Variants in NOL4L observed in about 807,000 individuals in gnomAD.
NOL4L encodes the protein nucleolar protein 4 like, also known as nucleolar protein 4-like.
In NOL4L, 7 loss-of-function variants were observed where a neutral mutation model predicts 64.5. The observed-to-expected ratio is 0.11, with a 90% CI of 0.06 to 0.20. NOL4L has a LOEUF of 0.20. NOL4L is among the 10% of genes least tolerant of loss of function. NOL4L has a pLI of 1.00. For missense variants in NOL4L, 680 were observed against 967.1 expected (o/e 0.70, Z 3.94); for synonymous variants, 413 against 401.0 (o/e 1.03, Z -0.36).
rs1221191282 is a variant in NOL4L at position 32,463,877 on chromosome 20, C to T, written c.842-7482G>A. ...AGGCTAGGCTCGGAGAACGGGAAGG[C>T]CCACCATCCCTGGGACCACAGGCCA... On this transcript the variant is annotated intron_variant, in intron 5 of 10. Coordinates refer to ENST00000621426, the MANE Select transcript of NOL4L (RefSeq NM_001256798.2). The surrounding 1 kb of genome is among the most constrained non-coding windows in gnomAD (Gnocchi z 5.8). 2.0e-5 allele frequency among the ~76,000 whole-genome samples: 3 copies of T among 152,134 alleles called. No individual in the cohort carries two copies. The highest frequency in any genetic ancestry group is 6.5e-5 in the Admixed American group (1 of 15,280).
chr20:32,495,826 G>A (rs1026936549), intron 4 of NOL4L, among the ~76,000 whole-genome samples: 2 of 152,032 alleles, frequency 1.3e-5, no homozygotes, highest in Non-Finnish European at 2.9e-5. Flanking sequence ...GCGCGGTGTT[G>A]AGCACCTGTG....
chr20:32,489,570 A>T (rs2016370250), intron 4 of NOL4L, among the ~76,000 whole-genome samples: 1 of 152,172 alleles, frequency 6.6e-6, no homozygotes, highest in African/African-American at 2.4e-5. Flanking sequence ...TGGAAATGTC[A>T]TCTTATACTA....
In NOL4L at chr20:32,452,357, G is replaced by A; in HGVS notation, c.1701C>T (p.Ser567=). 6.2e-7 allele frequency: 1 copy of A among 1,612,614 alleles called. No homozygotes were observed. The highest frequency in any genetic ancestry group is 8.5e-7 in the Non-Finnish European group (1 of 1,179,214). The change falls in exon 10 of 11, where the codon TCC becomes TCT. Residue 567 remains serine, a synonymous_variant. Transcript: ENST00000621426. The part of the protein sequence containing the change: ...ITHSTYSLPA[S]SYSQDPVYAN... ...CGTACACAGGGTCCTGGGAGTAGGA[G>A]GAGGCTGGCAGTGAGTAGGTGGAGT... is the stretch of plus-strand genomic sequence containing the variant.
At position 32,474,571 on chromosome 20, in the gene NOL4L, C is replaced by T. The variant is rs748114064; in HGVS notation, c.841+30G>A. ...TGGGAGCAGGGGGCCGGGCACAGCC[C>T]CTCCTCAACTGCCACCAAGGGGCAC... On this transcript the variant is annotated intron_variant, in intron 5 of 10. Transcript: ENST00000621426. 5 of 1,596,024 alleles carry T rather than the reference C, an allele frequency of 3.1e-6. No individual in the cohort carries two copies. The South Asian group carries it at 3.3e-5, about 11-fold the overall frequency.
intron 4 of NOL4L, among the ~76,000 whole-genome samples, chr20:32,485,058 C>CAAAAAAAA (rs57444583): frequency 2.2e-3 from 39 of 17,800 alleles, no homozygotes; most frequent in East Asian, 8.0e-3. Flanking sequence ...GGGAAATTGC[C>CAAAAAAAA]AAAAAAAAAA....
rs147246978 is a variant in NOL4L at position 32,564,012 on chromosome 20, C to T, written c.321+20558G>A. Among the ~76,000 whole-genome samples the T allele has an allele frequency of 1.7e-3, 266 of 152,318 alleles. 1 individual carries two copies. Among genetic ancestry groups the T allele is most frequent in the African/African-American group, 5.2e-3 (215 of 41,560 alleles). The stretch of plus-strand genomic sequence containing the variant: ...CTTGCAGGAGCAGGAAAGGTAATTG[C>T]TAATTTGCACGAGAGGAGACAAAGG... On this transcript the variant is annotated intron_variant, in intron 1 of 10. Coordinates refer to ENST00000621426, the MANE Select transcript of NOL4L (RefSeq NM_001256798.2).
intron 1 of NOL4L, among the ~76,000 whole-genome samples, chr20:32,568,214 G>A (rs948264379): frequency 2.6e-5 from 4 of 151,958 alleles, no homozygotes; most frequent in Non-Finnish European, 4.4e-5. Flanking sequence ...TGTAGCATCC[G>A]TTCCCCACAA....
In NOL4L at chr20:32,485,058, CAAAAA is replaced by C. The variant is rs57444583; in HGVS notation, c.700-10321_700-10317del. Among the ~76,000 whole-genome samples, 142 of 17,814 alleles carry C rather than the reference CAAAAA, an allele frequency of 8.0e-3. 1 individual carries two copies. The highest frequency in any genetic ancestry group is 0.035 in the East Asian group (13 of 374). 11.7% of individuals were successfully genotyped at this position (17,814 alleles called of 152,430 possible). ...TCGTGGAATTCTGTGGGGAAATTGCCAAAAAAAAAAAAAAAAAAAAAAAAAAAAAC... is the reference window on the plus strand; with the variant it reads ...TCGTGGAATTCTGTGGGGAAATTGCCAAAAAAAAAAAAAAAAAAAAAAAAC... On this transcript the variant is annotated intron_variant, in intron 4 of 10. Coordinates refer to ENST00000621426, the MANE Select transcript of NOL4L (RefSeq NM_001256798.2).
At chr20:32,520,965 G>C (rs1269221353) in intron 2 of NOL4L, 43 bp from the exon 3 acceptor site, 2 of 1,393,892 alleles carry the variant, frequency 1.4e-6, no homozygotes, top group Non-Finnish European at 2.0e-6. Flanking sequence ...GATCTGTGGG[G>C]AGGCAACTTG....
chr20:32,533,144 A>C lies in NOL4L; in HGVS notation c.322-5231T>G, dbSNP rs971927834. On this transcript the variant is annotated intron_variant, in intron 1 of 10. Coordinates refer to ENST00000621426, the MANE Select transcript of NOL4L (RefSeq NM_001256798.2). ...TAAAACAAAAACAAAAACAAAAAAA[A>C]CCTACACATTTATGGAGCTACATTC... Among the ~76,000 whole-genome samples, 9 of 152,124 alleles carry C rather than the reference A, an allele frequency of 5.9e-5. No individual in the cohort carries two copies. The South Asian group carries it at 6.2e-4, about 11-fold the overall frequency.
chr20:32,582,058 C>G (rs1980508577), intron 1 of NOL4L: 1 of 152,206 alleles, frequency 6.6e-6, no homozygotes, highest in Non-Finnish European at 1.5e-5. Flanking sequence ...TAACTGGGCC[C>G]CAGGAAAGAA....
At position 32,453,349 on chromosome 20, in the gene NOL4L, C is replaced by A; in HGVS notation, c.1452G>T (p.Thr484=). ...FQERARKRIR[T]YLKSCRRMKK... The stretch of plus-strand genomic sequence containing the variant: ...TCATGCGACGGCAGGACTTGAGGTA[C>A]GTGCGGATGCGCTTGCGGGCCCGCT... Residue 484 remains threonine, a synonymous_variant, in exon 8 of 11, where the codon ACG becomes ACT. Transcript: ENST00000621426. The surrounding 1 kb of genome is among the most constrained non-coding windows in gnomAD (Gnocchi z 5.6). The A allele has an allele frequency of 6.2e-7, 1 of 1,614,078 alleles. No homozygotes were observed. Among genetic ancestry groups the A allele is most frequent in the South Asian group, 1.1e-5 (1 of 91,084 alleles).
At chr20:32,498,562 A>G (rs1382587689) in intron 4 of NOL4L, among the ~76,000 whole-genome samples, 2 of 152,064 alleles carry the variant, frequency 1.3e-5, no homozygotes, top group East Asian at 2.0e-4. Context: ...CAGGAGTTCA[A>G]GACCAGCCTG....
At chr20:32,571,571 G>A (rs867540734) in intron 1 of NOL4L, among the ~76,000 whole-genome samples, 5 of 152,144 alleles carry the variant, frequency 3.3e-5, no homozygotes, top group Non-Finnish European at 5.9e-5. Context: ...AACCTCTTTC[G>A]TGCACCTTCA....
At chr20:32,513,143 G>A (rs1331526358) in intron 3 of NOL4L, among the ~76,000 whole-genome samples, 3 of 152,140 alleles carry the variant, frequency 2.0e-5, no homozygotes, top group East Asian at 1.9e-4. Context: ...TTTCCATAGC[G>A]TGAGGAAAAG....
At chr20:32,497,914 C>G (rs900539888) in intron 4 of NOL4L, among the ~76,000 whole-genome samples, 1 of 152,234 alleles carries the variant, frequency 6.6e-6, no homozygotes, top group African/African-American at 2.4e-5. Flanking sequence ...CAAAGCGTCC[C>G]GAGGCCAGCC....
intron 1 of NOL4L, among the ~76,000 whole-genome samples, chr20:32,577,188 G>A (rs1423156396): frequency 6.6e-6 from 1 of 152,234 alleles, no homozygotes; most frequent in Non-Finnish European, 1.5e-5. Flanking sequence ...ACCCCTGCCG[G>A]AGGGAGGCAG....
chr20:32,576,174 C>T (rs945670330), intron 1 of NOL4L, among the ~76,000 whole-genome samples: 28 of 152,028 alleles, frequency 1.8e-4, no homozygotes, highest in African/African-American at 6.8e-4. Context: ...AGGGAGAGAA[C>T]CTGACTTGGG....
rs529528594 is a variant in NOL4L at position 32,453,102 on chromosome 20, G to A, written c.1498-96C>T. ...CCAGGGGTGGGTGGCACAGGGTGGG[G>A]TTTGGGCTCCAGCGCCTCAGTCTAT... is the stretch of plus-strand genomic sequence containing the variant. On this transcript the variant is annotated intron_variant, in intron 8 of 10. Coordinates refer to ENST00000621426, the MANE Select transcript of NOL4L (RefSeq NM_001256798.2). The surrounding 1 kb of genome is among the most constrained non-coding windows in gnomAD (Gnocchi z 5.6). 163 of 1,551,930 alleles carry A rather than the reference G, an allele frequency of 1.1e-4. No homozygotes were observed. In the East Asian group the frequency reaches 3.4e-3, roughly 32 times the overall value.
Sources: gnomAD v4.1 joint callset for allele counts (sites outside exome capture counted in the v4.1 genomes callset) on GRCh38, gnomAD v4.1.1 for gene constraint, Gnocchi (gnomAD v3.1) non-coding constraint, MANE v1.5 for transcripts, NCBI Gene and HGNC (gene_info 2026-07-23, HGNC 2026-07-21) for gene names.